TBC1D19: variants seen among roughly 807,000 people sequenced by gnomAD.
TBC1D19 encodes the protein TBC1 domain family member 19.
TBC1D19 carries 60 observed loss-of-function variants against 89.0 expected under a neutral mutation model. The observed-to-expected ratio is 0.67, with a 90% CI of 0.55 to 0.84. The LOEUF (loss-of-function observed/expected upper bound fraction) is 0.84, where lower values mean the gene tolerates loss of function less well. TBC1D19 is among the 40% of genes least tolerant of loss of function. TBC1D19 has a pLI of 0.00. For missense variants in TBC1D19, 500 were observed against 610.8 expected, an observed-to-expected ratio of 0.82 and a Z score of 1.91; for synonymous variants, 189 against 199.7, an observed-to-expected ratio of 0.95 and a Z score of 0.45.
the TBC1D19 span, among the ~76,000 whole-genome samples, chr4:26,807,499 C>A: frequency 6.6e-6 from 1 of 152,182 alleles, no homozygotes; most frequent in Non-Finnish European, 1.5e-5. Context: ...TTATATAGAT[C>A]GAGCTGCTTC....
chr4:26,703,681 C>T (rs1432275126), intron 13 of TBC1D19, among the ~76,000 whole-genome samples: 3 of 151,024 alleles, frequency 2.0e-5, no homozygotes, highest in Admixed American at 6.6e-5. Flanking sequence ...TGTCCGGGCA[C>T]GGTGGCTCAT....
chr4:26,744,338 T>A (rs1398510349), intron 18 of TBC1D19, among the ~76,000 whole-genome samples: 1 of 151,716 alleles, frequency 6.6e-6, no homozygotes, highest in East Asian at 1.9e-4. Context: ...TTTTGTACCA[T>A]TGATTCTTTT....
the TBC1D19 span, among the ~76,000 whole-genome samples, chr4:26,833,775 G>T: frequency 1.1e-4 from 16 of 152,332 alleles, no homozygotes; most frequent in Middle Eastern, 3.4e-3. Context: ...CAGCCAGTAG[G>T]TGGGTTCACA....
chr4:26,740,199 T>A (rs1231885868), intron 17 of TBC1D19, among the ~76,000 whole-genome samples: 7 of 152,096 alleles, frequency 4.6e-5, no homozygotes, highest in Non-Finnish European at 1.0e-4. Context: ...ATTTAAATGA[T>A]TTTTTTCTTT....
chr4:26,634,493 T>A (rs1743003666), intron 4 of TBC1D19, among the ~76,000 whole-genome samples: 2 of 152,100 alleles, frequency 1.3e-5, no homozygotes, highest in South Asian at 4.1e-4. Flanking sequence ...GAATTCACTG[T>A]GAATTCAATA....
intron 7 of TBC1D19, among the ~76,000 whole-genome samples, chr4:26,655,126 C>T (rs747795904): frequency 8.5e-5 from 13 of 152,160 alleles, no homozygotes; most frequent in Non-Finnish European, 1.8e-4. Flanking sequence ...TTGGAGTTTG[C>T]TGGAGGTCCA....
chr4:26,607,608 A>G (rs568447718), intron 1 of TBC1D19, among the ~76,000 whole-genome samples: 10 of 152,294 alleles, frequency 6.6e-5, no homozygotes, highest in Admixed American at 3.9e-4. Context: ...ACTGTGTTCT[A>G]TTATACCTAA....
chr4:26,676,023 T>A (rs1053439176), intron 11 of TBC1D19, among the ~76,000 whole-genome samples: 30 of 152,242 alleles, frequency 2.0e-4, no homozygotes, highest in African/African-American at 3.1e-4. Context: ...GTTCATATTT[T>A]AAAAATTTTT....
the TBC1D19 span, among the ~76,000 whole-genome samples, chr4:26,852,272 G>C: frequency 6.6e-6 from 1 of 152,194 alleles, no homozygotes; most frequent in Non-Finnish European, 1.5e-5. Context: ...ATCCTGTTGA[G>C]GCTGGGTGTG....
chr4:26,750,209 T>C (rs2109332126), intron 19 of TBC1D19, among the ~76,000 whole-genome samples: 1 of 152,340 alleles, frequency 6.6e-6, no homozygotes, highest in African/African-American at 2.4e-5. Flanking sequence ...TTTTCCAAGC[T>C]AAGTAGCCTT....
At chr4:26,579,436 T>G (rs1403161959), upstream of TBC1D19, among the ~76,000 whole-genome samples, 4 of 152,092 alleles carry the variant, frequency 2.6e-5, no homozygotes, top group Non-Finnish European at 5.9e-5. Flanking sequence ...TATTCTTTAC[T>G]CAAACAGAAA....
intron 7 of TBC1D19, among the ~76,000 whole-genome samples, chr4:26,654,422 C>T (rs1577882432): frequency 6.6e-6 from 1 of 152,132 alleles, no homozygotes; most frequent in South Asian, 2.1e-4. Context: ...TGTTGGCCTG[C>T]CTTGCTAGAT....
intron 15 of TBC1D19, among the ~76,000 whole-genome samples, chr4:26,725,684 A>G (rs999050016): frequency 6.6e-6 from 1 of 152,162 alleles, no homozygotes; most frequent in Non-Finnish European, 1.5e-5. Flanking sequence ...AATTTCTGGG[A>G]TTACAAGCAT....
At chr4:26,589,727 A>G (rs1157413508) in intron 1 of TBC1D19, among the ~76,000 whole-genome samples, 3 of 152,084 alleles carry the variant, frequency 2.0e-5, no homozygotes, top group Non-Finnish European at 4.4e-5. Flanking sequence ...TTATTTTCCT[A>G]TGAGGTTGAG....
chr4:26,845,915 CAT>C, the TBC1D19 span, among the ~76,000 whole-genome samples: 2 of 152,182 alleles, frequency 1.3e-5, no homozygotes, highest in South Asian at 2.1e-4. Flanking sequence ...TCTCCCATAA[CAT>C]GTGGGAATTA....
At chr4:26,638,566 C>T (rs1743280968) in intron 5 of TBC1D19, among the ~76,000 whole-genome samples, 1 of 152,104 alleles carries the variant, frequency 6.6e-6, no homozygotes, top group South Asian at 2.1e-4. Context: ...GCACCATGTT[C>T]TAACTAAGCC....
chr4:26,726,091 T>A (rs1197791565), intron 15 of TBC1D19, among the ~76,000 whole-genome samples: 1 of 150,872 alleles, frequency 6.6e-6, no homozygotes, highest in Admixed American at 6.7e-5. Context: ...TTCAGTACTC[T>A]AGAGCAGTAA....
rs183400229 is a variant in TBC1D19, at chr4:26,668,896, A to G, written c.664+2491A>G. Among the ~76,000 whole-genome samples the G allele has an allele frequency of 3.9e-5, 6 of 151,928 alleles. No homozygotes were observed. In the East Asian group the frequency reaches 1.2e-3, roughly 29 times the overall value. ...GAGAAAAAGTCCTTACAATTATACT[A>G]TAGAATCCTTATTTAACAATAATAA... is the stretch of plus-strand genomic sequence containing the variant. On this transcript the variant is annotated intron_variant, in intron 9 of 20. Transcript: ENST00000264866.
intron 2 of TBC1D19, 55 bp downstream of exon 2, chr4:26,613,296 T>G: frequency 8.6e-7 from 1 of 1,163,572 alleles, no homozygotes; most frequent in Non-Finnish European, 1.2e-6. Context: ...TTTTATTTAT[T>G]CCTAATTCTT....
Sources: allele counts gnomAD v4.1 joint callset (sites outside exome capture counted in the v4.1 genomes callset), GRCh38; gene constraint gnomAD v4.1.1; transcripts MANE v1.5; gene names NCBI Gene and HGNC (gene_info 2026-07-23, HGNC 2026-07-21).